Variants in LCOR observed in about 807,000 individuals in gnomAD.
LCOR encodes the protein ligand-dependent corepressor.
LCOR carries 14 observed loss-of-function variants against 64.4 expected under a neutral mutation model. The observed-to-expected ratio is 0.22, with a 90% confidence interval of 0.14 to 0.34. The LOEUF is 0.34. LCOR is among the 10% of genes least tolerant of loss of function. The probability of loss-of-function intolerance (pLI) is 1.00; values close to 1 mark genes in which losing one functional copy is unlikely to be tolerated. For missense variants in LCOR, 1,686 were observed against 1,765.3 expected, an observed-to-expected ratio of 0.96 and a Z score of 0.80; for synonymous variants, 643 against 642.5, an observed-to-expected ratio of 1.00 and a Z score of -0.01.
At chr10:96,862,315 C>A (rs569493187) in intron 2 of LCOR, among the ~76,000 whole-genome samples, 2 of 152,056 alleles carry the variant, frequency 1.3e-5, no homozygotes, top group South Asian at 2.1e-4. Flanking sequence ...ACTTTGTTGC[C>A]CAGGCTGGAG....
intron 7 of LCOR, chr10:96,956,454 T>C: frequency 2.0e-6 from 2 of 984,718 alleles, no homozygotes; most frequent in Non-Finnish European, 2.4e-6. Flanking sequence ...ACAATGAACC[T>C]TTGACTTTGA....
chr10:96,899,460 A>G (rs1201736618), intron 2 of LCOR, among the ~76,000 whole-genome samples: 2 of 152,100 alleles, frequency 1.3e-5, no homozygotes, highest in Non-Finnish European at 2.9e-5. Context: ...TAGAAAAGGT[A>G]ATGCATAGTT....
At chr10:96,951,877 T>G (rs1254174433) in intron 6 of LCOR, among the ~76,000 whole-genome samples, 3 of 152,230 alleles carry the variant, frequency 2.0e-5, no homozygotes, top group African/African-American at 7.2e-5. Context: ...TTACCTTTTC[T>G]TTTGCCCCAT....
intron 4 of LCOR, among the ~76,000 whole-genome samples, chr10:96,914,987 G>A (rs1846912469): frequency 6.6e-6 from 1 of 152,298 alleles, no homozygotes; most frequent in Admixed American, 6.5e-5. Flanking sequence ...GGGAGAAGAA[G>A]ACATAAAGAT....
At chr10:96,925,280 T>A (rs149121754) in intron 4 of LCOR, among the ~76,000 whole-genome samples, 7,777 of 152,178 alleles carry the variant, frequency 0.051, 675 homozygotes, top group African/African-American at 0.18. Context: ...TTCACCATGT[T>A]GGCCAGGCTG....
chr10:96,857,681 A>G (rs1462547710), intron 2 of LCOR, among the ~76,000 whole-genome samples: 1 of 152,208 alleles, frequency 6.6e-6, no homozygotes, highest in Non-Finnish European at 1.5e-5. Context: ...ATTGTTTCAA[A>G]GTATCGATCG....
chr10:96,938,380 A>G (rs1409072572), intron 4 of LCOR, among the ~76,000 whole-genome samples: 1 of 152,220 alleles, frequency 6.6e-6, no homozygotes, highest in Admixed American at 6.5e-5. Flanking sequence ...ATGTAAAAAC[A>G]AACACAACAA....
intron 2 of LCOR, among the ~76,000 whole-genome samples, chr10:96,845,082 C>G (rs1349460143): frequency 1.3e-5 from 2 of 151,830 alleles, no homozygotes; most frequent in African/African-American, 4.8e-5. Flanking sequence ...TGTGTAATTA[C>G]TGAGAAGGAG....
chr10:96,943,041 G>A (rs567370354), intron 4 of LCOR, among the ~76,000 whole-genome samples: 46 of 152,216 alleles, frequency 3.0e-4, no homozygotes, highest in African/African-American at 9.9e-4. Context: ...TGGGAATCTC[G>A]GGGATGATTA....
At chr10:96,883,675 T>A (rs1846298849) in intron 2 of LCOR, among the ~76,000 whole-genome samples, 1 of 152,222 alleles carries the variant, frequency 6.6e-6, no homozygotes, top group African/African-American at 2.4e-5. Flanking sequence ...CTTTTGCCCA[T>A]TTTCAGTCAG....
rs540805368 is a variant in LCOR, at chr10:96,985,735, A to C, written c.*601A>C. On this transcript the variant is annotated 3_prime_UTR_variant, in exon 8 of 8. Transcript: ENST00000421806. ...TATTTCTGTTACCCCCTTTTAAAAA[A>C]GATCATGTTCATTGTTGGTCCCTCC... 1.2e-5 allele frequency: 2 copies of C among 167,022 alleles called. No individual in the cohort carries two copies. The highest frequency in any genetic ancestry group is 6.5e-5 in the Admixed American group (1 of 15,314). 10.3% of individuals were successfully genotyped at this position (167,022 alleles called of 1,614,324 possible).
chr10:96,913,751 A>G (rs888521738), intron 4 of LCOR, among the ~76,000 whole-genome samples: 7 of 152,098 alleles, frequency 4.6e-5, no homozygotes, highest in Admixed American at 6.5e-5. Context: ...GCAAAACCCC[A>G]TCTCTACTGA....
At chr10:96,931,671 A>C (rs553780208) in intron 4 of LCOR, among the ~76,000 whole-genome samples, 1 of 152,310 alleles carries the variant, frequency 6.6e-6, no homozygotes, top group East Asian at 1.9e-4. Flanking sequence ...TAACAACCTG[A>C]AGATAGATGG....
At chr10:96,835,957 G>T (rs957463526) in intron 2 of LCOR, among the ~76,000 whole-genome samples, 2 of 152,188 alleles carry the variant, frequency 1.3e-5, no homozygotes, top group Non-Finnish European at 2.9e-5. Flanking sequence ...ATTCCAGGAA[G>T]ATCTAGGCTC....
chr10:96,954,972 C>G lies in LCOR; in HGVS notation c.332+2776C>G, dbSNP rs61752726. Reference sequence around the variant, plus strand: ...AATTAGGCGACCTGGGAGACCCAGCCAGTACCGCCCAGACGGACTTCGGAG... The same window carrying G: ...AATTAGGCGACCTGGGAGACCCAGCGAGTACCGCCCAGACGGACTTCGGAG... On this transcript the variant is annotated intron_variant, in intron 7 of 7. Transcript: ENST00000421806. 6,243 of 1,613,938 alleles carry G rather than the reference C, an allele frequency of 3.9e-3. 21 individuals carry two copies. Among genetic ancestry groups the G allele is most frequent in the Non-Finnish European group, 4.8e-3 (5,714 of 1,179,928 alleles).
At position 96,985,388 on chromosome 10, in the gene LCOR, C is replaced by T. The variant is rs1327102535; in HGVS notation, c.*254C>T. On this transcript the variant is annotated 3_prime_UTR_variant, in exon 8 of 8. Transcript: ENST00000421806. The stretch of plus-strand genomic sequence containing the variant: ...TTTAAACTTGGAACCAAGCAGTTTT[C>T]GTTTTTAAAAGTACAGTGCCTTATT... 4.2e-5 allele frequency: 16 copies of T among 382,006 alleles called. No homozygotes were observed. In the East Asian group the frequency reaches 4.7e-4, roughly 11 times the overall value. The allele number at this position is 382,006 out of a possible 1,614,324, so 23.7% of individuals were successfully genotyped here.
In LCOR at chr10:96,952,091, G is replaced by A. The variant is rs375633908; in HGVS notation, c.239-12G>A. On this transcript the variant is annotated splice_polypyrimidine_tract_variant and intron_variant, in intron 6 of 7. Coordinates refer to ENST00000421806, the MANE Select transcript of LCOR (RefSeq NM_001346516.2). Reference sequence around the variant, plus strand: ...TTTTAATATCCTCAGGTGTTTCTTTGTGTCTCTGCAGACGGTGTACTTGAT... The same window carrying A: ...TTTTAATATCCTCAGGTGTTTCTTTATGTCTCTGCAGACGGTGTACTTGAT... 5.0e-6 allele frequency: 8 copies of A among 1,602,180 alleles called. No individual in the cohort carries two copies. The African/African-American group carries it at 8.1e-5, about 16-fold the overall frequency.
At chr10:96,932,547 T>A (rs375732700) in intron 4 of LCOR, among the ~76,000 whole-genome samples, 2 of 152,178 alleles carry the variant, frequency 1.3e-5, no homozygotes, top group African/African-American at 4.8e-5. Context: ...CACTGCAACC[T>A]CCGCCTCCCG....
At chr10:96,891,022 T>C (rs563926033) in intron 2 of LCOR, among the ~76,000 whole-genome samples, 4 of 152,222 alleles carry the variant, frequency 2.6e-5, no homozygotes, top group Non-Finnish European at 4.4e-5. Flanking sequence ...CTGTCTTTGC[T>C]ATCAGGGTAA....
Sources: gnomAD v4.1 joint callset for allele counts (sites outside exome capture counted in the v4.1 genomes callset) on GRCh38, gnomAD v4.1.1 for gene constraint, MANE v1.5 for transcripts, NCBI Gene and HGNC (gene_info 2026-07-23, HGNC 2026-07-21) for gene names.